The following SHANK2 variants were observed in gnomAD, a reference collection of about 807,000 sequenced individuals.
SHANK2 encodes SH3 and multiple ankyrin repeat domains protein 2.
SHANK2 carries 43 observed loss-of-function variants against 133.7 expected under a neutral mutation model. The ratio of observed to expected loss-of-function variants is 0.32; its 90% CI spans 0.25 to 0.41. SHANK2 has a LOEUF of 0.41. Ranked by LOEUF, SHANK2 falls within the 10% of genes least tolerant of loss-of-function variation. The probability of loss-of-function intolerance (pLI) is 1.00; values close to 1 mark genes in which losing one functional copy is unlikely to be tolerated. For missense variants in SHANK2, 1,994 were observed against 2,235.8 expected, an observed-to-expected ratio of 0.89 and a Z score of 2.18; for synonymous variants, 1,017 against 952.8, an observed-to-expected ratio of 1.07 and a Z score of -1.24.
chr11:71,102,420 G>T (rs145036614), intron 6 of SHANK2, among the ~76,000 whole-genome samples: 1 of 152,226 alleles, frequency 6.6e-6, no homozygotes, highest in South Asian at 2.1e-4. Flanking sequence ...GCTTCCCTCC[G>T]CTCCGGCCCC....
At chr11:70,547,695 T>C (rs1018770295) in intron 17 of SHANK2, among the ~76,000 whole-genome samples, 16 of 152,170 alleles carry the variant, frequency 1.1e-4, no homozygotes, top group Admixed American at 6.5e-4. Flanking sequence ...AGATCTGATT[T>C]GAAAAGAAAA....
chr11:70,738,111 C>T (rs1946444850), intron 14 of SHANK2, among the ~76,000 whole-genome samples: 1 of 152,258 alleles, frequency 6.6e-6, no homozygotes, highest in Non-Finnish European at 1.5e-5. Context: ...GGCTGAAAGC[C>T]CCGAAATCTG....
chr11:70,936,749 C>T (rs370084171), intron 10 of SHANK2, among the ~76,000 whole-genome samples: 1 of 152,126 alleles, frequency 6.6e-6, no homozygotes, highest in Non-Finnish European at 1.5e-5. Context: ...CAGGCCTCCT[C>T]GCCTCCCGGA....
chr11:71,099,241 G>A (rs1555096205), intron 6 of SHANK2, among the ~76,000 whole-genome samples: 1 of 152,026 alleles, frequency 6.6e-6, no homozygotes, highest in Non-Finnish European at 1.5e-5. Flanking sequence ...GTGGGGCCCA[G>A]GGACAGGAAA....
At chr11:71,108,315 C>T (rs1300490595) in intron 6 of SHANK2, among the ~76,000 whole-genome samples, 2 of 152,174 alleles carry the variant, frequency 1.3e-5, no homozygotes, top group African/African-American at 4.8e-5. Flanking sequence ...AAGCCTCCTA[C>T]AGACGTACAC....
intron 17 of SHANK2, among the ~76,000 whole-genome samples, chr11:70,623,832 C>A (rs947358235): frequency 1.3e-5 from 2 of 152,114 alleles, no homozygotes; most frequent in Non-Finnish European, 1.5e-5. Context: ...TGCTTTAGAC[C>A]AAGGAAGGAG....
chr11:70,896,081 A>G (rs1013583370), intron 11 of SHANK2, among the ~76,000 whole-genome samples: 2 of 152,200 alleles, frequency 1.3e-5, no homozygotes, highest in Non-Finnish European at 2.9e-5. Flanking sequence ...GCGTAACGAC[A>G]TGTATCAATT....
chr11:70,578,026 C>T (rs2060138022), intron 17 of SHANK2, among the ~76,000 whole-genome samples: 1 of 152,150 alleles, frequency 6.6e-6, no homozygotes, highest in Non-Finnish European at 1.5e-5. Flanking sequence ...TCTCCCATTC[C>T]AGCCTCCAGA....
At chr11:70,867,853 G>A (rs1032912080) in intron 11 of SHANK2, among the ~76,000 whole-genome samples, 2 of 152,152 alleles carry the variant, frequency 1.3e-5, no homozygotes, top group African/African-American at 2.4e-5. Context: ...CTCCTGCACC[G>A]GCCGGCCCCC....
chr11:70,490,662 G>A (rs2058873578), intron 22 of SHANK2, among the ~76,000 whole-genome samples: 1 of 152,238 alleles, frequency 6.6e-6, no homozygotes, highest in Non-Finnish European at 1.5e-5. Context: ...GTGGTCTGCT[G>A]CAACACCATT....
intron 14 of SHANK2, among the ~76,000 whole-genome samples, chr11:70,746,690 C>T (rs1946645381): frequency 6.6e-6 from 1 of 152,162 alleles, no homozygotes; most frequent in African/African-American, 2.4e-5. Flanking sequence ...CTGGTCCCTG[C>T]CCTCCATCTT....
chr11:70,798,751 C>T (rs1555049814), intron 13 of SHANK2, among the ~76,000 whole-genome samples, 195 bp from the exon 14 acceptor site: 1 of 152,220 alleles, frequency 6.6e-6, no homozygotes, highest in East Asian at 1.9e-4. Flanking sequence ...ATCACCACTG[C>T]AGACCACAGG....
rs79487909 is a variant in SHANK2 at position 70,730,354 on chromosome 11, C to T, written c.1778-31591G>A. 5.0e-3 allele frequency among the ~76,000 whole-genome samples: 767 copies of T among 152,214 alleles called. 7 individuals are homozygous for T. Among genetic ancestry groups the T allele is most frequent in the African/African-American group, 0.017 (725 of 41,526 alleles). On this transcript the variant is annotated intron_variant, in intron 14 of 25. Coordinates refer to ENST00000601538, the MANE Select transcript of SHANK2 (RefSeq NM_012309.5). ...CCTAGTGCAACAGGCCCTGAGATTG[C>T]AACCTCCCCACTCACGCCCAATTGT...
chr11:71,202,419 A>C (rs1399282822), intron 2 of SHANK2, among the ~76,000 whole-genome samples: 1 of 152,168 alleles, frequency 6.6e-6, no homozygotes, highest in Non-Finnish European at 1.5e-5. Context: ...GACTGAACCC[A>C]TTTCAGAGAT....
Position 70,531,180 on chromosome 11 carries a change from A to C in SHANK2, c.2062-28249T>G, listed in dbSNP as rs868950824. ...CAAAAAAAAAAAAAAAAAAAAAAAA[A>C]ACAAAAAGGCTAAGATTATAGAGTT... is the stretch of plus-strand genomic sequence containing the variant. On this transcript the variant is annotated intron_variant, in intron 17 of 25. Transcript: ENST00000601538. Among the ~76,000 whole-genome samples, 669 of 146,078 alleles carry C rather than the reference A, an allele frequency of 4.6e-3. 5 individuals carry two copies. The highest frequency in any genetic ancestry group is 6.6e-3 in the Admixed American group (97 of 14,632).
intron 17 of SHANK2, among the ~76,000 whole-genome samples, chr11:70,618,182 T>G (rs1296612941): frequency 1.3e-5 from 2 of 150,480 alleles, no homozygotes; most frequent in Non-Finnish European, 2.9e-5. Flanking sequence ...TAATCCCAGC[T>G]ACTCAGGAGG....
intron 17 of SHANK2, among the ~76,000 whole-genome samples, chr11:70,533,278 T>A (rs1420673710): frequency 6.6e-6 from 1 of 152,194 alleles, no homozygotes. Flanking sequence ...TTTGTAGAGA[T>A]GGGGTCTTGC....
At chr11:71,121,734 A>G (rs1952087127) in intron 3 of SHANK2, among the ~76,000 whole-genome samples, 1 of 152,206 alleles carries the variant, frequency 6.6e-6, no homozygotes, top group Non-Finnish European at 1.5e-5. Context: ...TCGTGAATTA[A>G]TTTTTGTATA....
At chr11:70,783,444 C>G (rs548686577) in intron 14 of SHANK2, among the ~76,000 whole-genome samples, 11 of 152,222 alleles carry the variant, frequency 7.2e-5, no homozygotes, top group African/African-American at 2.6e-4. Context: ...ACAGTGAAAA[C>G]AAGTGACCCA....
Sources: gnomAD v4.1 joint callset for allele counts (sites outside exome capture counted in the v4.1 genomes callset) on GRCh38, gnomAD v4.1.1 for gene constraint, MANE v1.5 for transcripts, NCBI Gene and HGNC (gene_info 2026-07-23, HGNC 2026-07-21) for gene names.